Variants in B3GALT1 observed in about 807,000 individuals in gnomAD.
B3GALT1 encodes the protein beta-1,3-galactosyltransferase 1.
B3GALT1 carries 10 observed loss-of-function variants against 23.2 expected under a neutral mutation model. The observed-to-expected ratio is 0.43, with a 90% CI of 0.27 to 0.73. B3GALT1 has a LOEUF of 0.73. Among genes scored for constraint, B3GALT1 ranks in the 30% least tolerant of loss-of-function variants. The probability of loss-of-function intolerance (pLI) is 0.21; values close to 1 mark genes in which losing one functional copy is unlikely to be tolerated. For synonymous variants in B3GALT1, 156 were observed against 141.5 expected (o/e 1.10, Z -0.73); for missense variants, 299 against 405.4 (o/e 0.74, Z 2.25).
chr2:167,397,636 C>T lies in B3GALT1; in HGVS notation c.-510-92541C>T, dbSNP rs78151377. 4.1e-3 allele frequency among the ~76,000 whole-genome samples: 620 copies of T among 152,172 alleles called. 2 individuals are homozygous for T. The highest frequency in any genetic ancestry group is 0.018 in the East Asian group (94 of 5,168). ...TGTTTTATATTGCATATGTAACAAA[C>T]GAATTATTAAGAAATCTATTGGTGT... On this transcript the variant is annotated intron_variant, in intron 1 of 4. Transcript: ENST00000392690.
At chr2:167,589,468 A>C (rs1298820149) in intron 2 of B3GALT1, among the ~76,000 whole-genome samples, 1 of 152,132 alleles carries the variant, frequency 6.6e-6, no homozygotes, top group Non-Finnish European at 1.5e-5. Flanking sequence ...AACCTGGCTA[A>C]AATGTACATT....
At chr2:167,306,891 A>G (rs1014539214) in intron 1 of B3GALT1, among the ~76,000 whole-genome samples, 2 of 152,014 alleles carry the variant, frequency 1.3e-5, no homozygotes, top group African/African-American at 4.8e-5. Context: ...CCTCATGGTT[A>G]CTATTTAAAC....
chr2:167,311,577 C>G (rs1696634825), intron 1 of B3GALT1, among the ~76,000 whole-genome samples: 2 of 151,792 alleles, frequency 1.3e-5, no homozygotes, highest in Admixed American at 1.3e-4. Flanking sequence ...TAATATAGCT[C>G]TATAAAAATA....
intron 3 of B3GALT1, among the ~76,000 whole-genome samples, chr2:167,734,526 A>G (rs987562396): frequency 1.3e-5 from 2 of 152,204 alleles, no homozygotes; most frequent in African/African-American, 4.8e-5. Context: ...CCCGTGCACC[A>G]TGTGAGTCCT....
intron 1 of B3GALT1, among the ~76,000 whole-genome samples, chr2:167,349,684 G>T (rs1237201784): frequency 6.6e-6 from 1 of 152,100 alleles, no homozygotes; most frequent in African/African-American, 2.4e-5. Flanking sequence ...CATTAAATTT[G>T]TCGGTGGAAG....
intron 1 of B3GALT1, among the ~76,000 whole-genome samples, chr2:167,429,226 A>G (rs1698669653): frequency 6.7e-6 from 1 of 148,620 alleles, no homozygotes; most frequent in Non-Finnish European, 1.5e-5. Context: ...GCTTGCAGTG[A>G]GCCGAGATCG....
intron 2 of B3GALT1, among the ~76,000 whole-genome samples, chr2:167,629,776 A>G (rs1558930005): frequency 6.6e-6 from 1 of 151,812 alleles, no homozygotes; most frequent in Non-Finnish European, 1.5e-5. Flanking sequence ...TGCATGCCAC[A>G]CTTTGTAAAC....
At chr2:167,327,650 G>A (rs1696915379) in intron 1 of B3GALT1, among the ~76,000 whole-genome samples, 1 of 150,624 alleles carries the variant, frequency 6.6e-6, no homozygotes, top group South Asian at 2.1e-4. Flanking sequence ...TAAAATATAA[G>A]ATCATGTCAT....
At chr2:167,768,041 C>T (rs866793779) in intron 3 of B3GALT1, among the ~76,000 whole-genome samples, 5 of 152,150 alleles carry the variant, frequency 3.3e-5, no homozygotes, top group African/African-American at 1.2e-4. Flanking sequence ...TCAACCTTCC[C>T]CTGCCTTTTT....
chr2:167,413,915 T>C (rs879649701), intron 1 of B3GALT1, among the ~76,000 whole-genome samples: 52 of 152,128 alleles, frequency 3.4e-4, no homozygotes, highest in Admixed American at 2.5e-3. Context: ...TCACATGTTA[T>C]GGTAGTTACC....
At chr2:167,476,079 G>A (rs1364737891) in intron 1 of B3GALT1, among the ~76,000 whole-genome samples, 2 of 152,058 alleles carry the variant, frequency 1.3e-5, no homozygotes, top group African/African-American at 2.4e-5. Flanking sequence ...TATCTGCAAC[G>A]ACCCTATTTC....
intron 1 of B3GALT1, among the ~76,000 whole-genome samples, chr2:167,372,014 ACTAT>A (rs1697694196): frequency 6.6e-6 from 1 of 151,794 alleles, no homozygotes; most frequent in South Asian, 2.1e-4. Context: ...ATTTATTCGA[ACTAT>A]ACTAAGGAAA....
In B3GALT1 at chr2:167,535,320, C is replaced by G. The variant is rs1226119700; in HGVS notation, c.-410+45043C>G. ...TAGGGAGCTTATGAAAGTGGTGACCCTGGAGTTGTTCAGTGTACAATCTAT... is the reference window on the plus strand; with the variant it reads ...TAGGGAGCTTATGAAAGTGGTGACCGTGGAGTTGTTCAGTGTACAATCTAT... On this transcript the variant is annotated intron_variant, in intron 2 of 4. Transcript: ENST00000392690. Among the ~76,000 whole-genome samples the G allele has an allele frequency of 3.9e-5, 6 of 152,084 alleles. No homozygotes were observed. The East Asian group carries it at 1.2e-3, about 29-fold the overall frequency.
At chr2:167,741,184 G>A (rs1347679310) in intron 3 of B3GALT1, among the ~76,000 whole-genome samples, 1 of 151,756 alleles carries the variant, frequency 6.6e-6, no homozygotes, top group South Asian at 2.1e-4. Flanking sequence ...AATGTAGGAT[G>A]GTGAGGCAAA....
At chr2:167,389,907 TCCAAAAAAAAAAAAAAA>T (rs1379411148) in intron 1 of B3GALT1, among the ~76,000 whole-genome samples, 2,638 of 69,654 alleles carry the variant, frequency 0.038, 91 homozygotes, top group African/African-American at 0.13. Flanking sequence ...GGATACCCTG[TCCAAAAAAAAAAAAAAA>T]CAAAAAAAAA....
chr2:167,596,891 A>G (rs1286761424), intron 2 of B3GALT1, among the ~76,000 whole-genome samples: 2 of 152,306 alleles, frequency 1.3e-5, no homozygotes, highest in East Asian at 3.9e-4. Context: ...TTTGCTAATT[A>G]TAGATTACAC....
intron 2 of B3GALT1, among the ~76,000 whole-genome samples, chr2:167,632,978 G>A (rs1435786758): frequency 6.6e-6 from 1 of 151,928 alleles, no homozygotes; most frequent in Non-Finnish European, 1.5e-5. Context: ...TTTGTATAAG[G>A]TGTAAGGAAG....
At chr2:167,404,666 T>C (rs544309966) in intron 1 of B3GALT1, among the ~76,000 whole-genome samples, 73 of 152,306 alleles carry the variant, frequency 4.8e-4, no homozygotes, top group African/African-American at 1.7e-3. Flanking sequence ...GCACAGTCAT[T>C]CTTCATTCAG....
intron 1 of B3GALT1, among the ~76,000 whole-genome samples, chr2:167,418,042 G>A (rs1369269140): frequency 3.3e-5 from 5 of 152,156 alleles, no homozygotes. Context: ...GGCAGACTTT[G>A]GTCATAGTTT....
Sources: allele counts gnomAD v4.1 joint callset (sites outside exome capture counted in the v4.1 genomes callset), GRCh38; gene constraint gnomAD v4.1.1; transcripts MANE v1.5; gene names NCBI Gene and HGNC (gene_info 2026-07-23, HGNC 2026-07-21).